The following CDKL4 variants were observed in gnomAD, a reference collection of about 807,000 sequenced individuals.
CDKL4 encodes cyclin-dependent kinase-like 4.
Under a neutral mutation model 42.0 loss-of-function variants are expected in CDKL4, and 44 were observed. The observed-to-expected ratio is 1.05, with a 90% CI of 0.82 to 1.35. CDKL4 has a LOEUF of 1.35. Ranked by LOEUF, CDKL4 falls within the 40% of genes most tolerant of loss-of-function variation. CDKL4 has a pLI of 0.00. For missense variants in CDKL4, 393 were observed against 369.9 expected (o/e 1.06, Z -0.51); for synonymous variants, 120 against 121.6 (o/e 0.99, Z 0.09).
chr2:39,231,974 C>G (rs1246167176), intron 1 of CDKL4, among the ~76,000 whole-genome samples: 1 of 152,114 alleles, frequency 6.6e-6, no homozygotes, highest in Non-Finnish European at 1.5e-5. Flanking sequence ...TTAATTTAAC[C>G]TACTTGATAA....
intron 4 of CDKL4, among the ~76,000 whole-genome samples, chr2:39,206,122 C>T (rs1444345552): frequency 1.3e-5 from 2 of 151,774 alleles, no homozygotes; most frequent in African/African-American, 4.8e-5. Flanking sequence ...GGCGCGATCT[C>T]GGCTCACTGC....
At chr2:39,169,337 A>G in the CDKL4 span, among the ~76,000 whole-genome samples, 2 of 152,180 alleles carry the variant, frequency 1.3e-5, no homozygotes, top group African/African-American at 4.8e-5. Flanking sequence ...CCTGTGTTAG[A>G]TGGTTGCCTG....
At chr2:39,217,594 T>C (rs1022833528) in intron 3 of CDKL4, among the ~76,000 whole-genome samples, 3 of 152,162 alleles carry the variant, frequency 2.0e-5, no homozygotes, top group Non-Finnish European at 4.4e-5. Flanking sequence ...GTTAATAACA[T>C]TTTACTTCCA....
intron 1 of CDKL4, among the ~76,000 whole-genome samples, 182 bp downstream of exon 1, chr2:39,243,689 G>T (rs1396745952): frequency 6.6e-6 from 1 of 152,194 alleles, no homozygotes; most frequent in Non-Finnish European, 1.5e-5. Context: ...GGTCAGTGCT[G>T]CCACCTCGAA....
chr2:39,218,093 T>G (rs1463631166), intron 3 of CDKL4, among the ~76,000 whole-genome samples: 1 of 152,192 alleles, frequency 6.6e-6, no homozygotes, highest in Non-Finnish European at 1.5e-5. Context: ...TATTTCTATG[T>G]TTACTTCTAT....
intron 3 of CDKL4, among the ~76,000 whole-genome samples, chr2:39,225,269 G>A (rs1678628341): frequency 6.6e-6 from 1 of 151,998 alleles, no homozygotes; most frequent in Admixed American, 6.6e-5. Flanking sequence ...GCATGGTGGT[G>A]TGTGCCTGTA....
chr2:39,193,162 G>C (rs1298153922), intron 5 of CDKL4, among the ~76,000 whole-genome samples: 1 of 145,892 alleles, frequency 6.9e-6, no homozygotes, highest in African/African-American at 2.5e-5. Flanking sequence ...AGCCAGGTTT[G>C]GTGGCTCACG....
At chr2:39,185,085 G>A (rs939508089) in intron 7 of CDKL4, among the ~76,000 whole-genome samples, 5 of 144,418 alleles carry the variant, frequency 3.5e-5, no homozygotes, top group Non-Finnish European at 7.5e-5. Flanking sequence ...AGACTCTCTA[G>A]TAGGTTCAAT....
At chr2:39,168,762 T>C in the CDKL4 span, among the ~76,000 whole-genome samples, 1 of 151,014 alleles carries the variant, frequency 6.6e-6, no homozygotes, top group Non-Finnish European at 1.5e-5. Flanking sequence ...GTTTTTTTGT[T>C]TGTTTGTTTT....
At chr2:39,204,429 C>T (rs1270630286) in intron 5 of CDKL4, 98 bp downstream of exon 5, 2 of 755,528 alleles carry the variant, frequency 2.6e-6, no homozygotes, top group Non-Finnish European at 4.6e-6. Context: ...AACAACAATA[C>T]AATATTTGGC....
intron 2 of CDKL4, among the ~76,000 whole-genome samples, chr2:39,226,492 T>TATATTATA (rs1558580675): frequency 1.4e-5 from 2 of 146,076 alleles, no homozygotes; most frequent in Non-Finnish European, 3.0e-5. Flanking sequence ...ATATTATATA[T>TATATTATA]TTTCAGCATT....
Position 39,189,714 on chromosome 2 carries a change from G to A in CDKL4, c.652+591C>T, listed in dbSNP as rs560380525. ...AAAAGATTTTTTGATATTGTTGCAC[G>A]TGAAAACTACAATAAATTAAAATTT... On this transcript the variant is annotated intron_variant, in intron 6 of 9. Transcript: ENST00000451199. Among the ~76,000 whole-genome samples, 8 of 152,234 alleles carry A rather than the reference G, an allele frequency of 5.3e-5. No homozygotes were observed. In the South Asian group the frequency reaches 1.0e-3, roughly 20 times the overall value.
In CDKL4 at chr2:39,204,524, T is replaced by G; in HGVS notation, c.454+3A>C. On this transcript the variant is annotated splice_donor_region_variant and intron_variant, in intron 5 of 9. Transcript: ENST00000451199. The stretch of plus-strand genomic sequence containing the variant: ...GGTATTAGTAAAAAAAATTGCTACT[T>G]ACTCAGAATTTGTGCAAACCCGAAG... The G allele has an allele frequency of 2.5e-6, 4 of 1,577,970 alleles. No individual in the cohort carries two copies. The highest frequency in any genetic ancestry group is 3.5e-6 in the Non-Finnish European group (4 of 1,149,226).
At chr2:39,200,078 T>C (rs1254563837) in intron 5 of CDKL4, among the ~76,000 whole-genome samples, 1 of 151,952 alleles carries the variant, frequency 6.6e-6, no homozygotes, top group Non-Finnish European at 1.5e-5. Context: ...TGATCATATA[T>C]CTAGAAAACC....
intron 5 of CDKL4, among the ~76,000 whole-genome samples, 175 bp from the exon 6 acceptor site, chr2:39,190,677 T>C (rs1676132900): frequency 1.3e-5 from 2 of 152,192 alleles, no homozygotes; most frequent in South Asian, 4.1e-4. Flanking sequence ...ATAGTAAATT[T>C]GACATTCAAG....
At chr2:39,214,698 C>T (rs1677807534) in intron 3 of CDKL4, among the ~76,000 whole-genome samples, 1 of 152,118 alleles carries the variant, frequency 6.6e-6, no homozygotes, top group African/African-American at 2.4e-5. Flanking sequence ...TGGAAGATGG[C>T]TCTTCAATTT....
chr2:39,185,404 G>GTATATACATA (rs1558547512), intron 7 of CDKL4, among the ~76,000 whole-genome samples: 59 of 3,654 alleles, frequency 0.016, 20 homozygotes, highest in Non-Finnish European at 0.05. Context: ...ATATACATAT[G>GTATATACATA]TGTATATATA....
intron 6 of CDKL4, 64 bp from the exon 7 acceptor site, chr2:39,187,773 G>T (rs1675914587): frequency 1.8e-6 from 2 of 1,106,384 alleles, no homozygotes; most frequent in South Asian, 1.3e-5. Flanking sequence ...TGTTTAAATG[G>T]TTAATGCCTG....
chr2:39,180,239 C>A (rs1675358961), intron 8 of CDKL4, among the ~76,000 whole-genome samples: 1 of 152,218 alleles, frequency 6.6e-6, no homozygotes, highest in Non-Finnish European at 1.5e-5. Flanking sequence ...TTAAAAGGAG[C>A]AGTTTTACAA....
Sources: allele counts gnomAD v4.1 joint callset (sites outside exome capture counted in the v4.1 genomes callset), GRCh38; gene constraint gnomAD v4.1.1; transcripts MANE v1.5; gene names NCBI Gene and HGNC (gene_info 2026-07-23, HGNC 2026-07-21).